ANKAR: variants seen among roughly 807,000 people sequenced by gnomAD.
ANKAR encodes the protein ankyrin and armadillo repeat-containing protein.
Under a neutral mutation model 146.2 loss-of-function variants are expected in ANKAR, and 136 were observed. The observed-to-expected ratio is 0.93, with a 90% CI of 0.81 to 1.07. ANKAR has a LOEUF of 1.07. ANKAR is among the 50% of genes least tolerant of loss of function. ANKAR has a pLI of 0.00. For synonymous variants in ANKAR, 500 were observed against 575.8 expected (o/e 0.87, Z 1.88); for missense variants, 1,567 against 1,679.9 (o/e 0.93, Z 1.18).
chr2:189,729,084 G>A (rs1357483409), intron 15 of ANKAR, among the ~76,000 whole-genome samples: 1 of 152,148 alleles, frequency 6.6e-6, no homozygotes, highest in Non-Finnish European at 1.5e-5. Flanking sequence ...TGACTATTTT[G>A]ACTGAAAGCA....
chr2:189,747,640 T>C (rs1206391975), downstream of ANKAR, among the ~76,000 whole-genome samples: 1 of 152,180 alleles, frequency 6.6e-6, no homozygotes, highest in Non-Finnish European at 1.5e-5. Flanking sequence ...TAGCTGCAGA[T>C]AGATATGATA....
intron 3 of ANKAR, among the ~76,000 whole-genome samples, chr2:189,691,995 C>G (rs2036487265): frequency 6.6e-6 from 1 of 152,096 alleles, no homozygotes; most frequent in Admixed American, 6.6e-5. Flanking sequence ...CTTCTAGGCT[C>G]AAGCGATCCG....
rs1455161868 is a variant in ANKAR, at chr2:189,738,664, TCTA to T, written c.3686_3688del (p.Thr1229del). The T allele has an allele frequency of 6.3e-7, 1 of 1,596,120 alleles. No homozygotes were observed. The highest frequency in any genetic ancestry group is 8.6e-7 in the Non-Finnish European group (1 of 1,169,432). ...TGATAGTCTGTATTCAGTTCAGACT[TCTA>T]CTATTGTCTTGACAGGTAAGAAATG... On this transcript the variant is annotated inframe_deletion, in exon 19 of 23. Transcript: ENST00000684021.
In ANKAR at chr2:189,728,365, A is replaced by C. The variant is rs1394170508; in HGVS notation, c.2976A>C (p.Gly992=). ...AAAAATATATGGCAGAACAAATTGG[A>C]TACAGCTTTATAATAAATATGCTTT... ...KQQKYMAEQI[G]YSFIINMLLS... Residue 992 remains glycine, a synonymous_variant, in exon 14 of 23, where the codon GGA becomes GGC. Coordinates refer to ENST00000684021, the MANE Select transcript of ANKAR (RefSeq NM_001378068.1). The C allele has an allele frequency of 6.2e-7, 1 of 1,612,476 alleles. No homozygotes were observed. The highest frequency in any genetic ancestry group is 1.3e-5 in the African/African-American group (1 of 74,900).
intron 10 of ANKAR, among the ~76,000 whole-genome samples, chr2:189,717,731 G>T (rs188894903): frequency 2.0e-5 from 3 of 152,128 alleles, no homozygotes; most frequent in East Asian, 1.9e-4. Flanking sequence ...ATGTGGCACA[G>T]ATACACCATG....
intron 18 of ANKAR, chr2:189,755,061 T>G (rs2045899908): frequency 7.7e-7 from 1 of 1,303,358 alleles, no homozygotes; most frequent in African/African-American, 1.5e-5. Context: ...TTTTTCAGTT[T>G]ACTAAGATAA....
intron 11 of ANKAR, 120 bp downstream of exon 11, chr2:189,719,933 G>T: frequency 8.7e-7 from 1 of 1,145,034 alleles, no homozygotes; most frequent in Non-Finnish European, 1.2e-6. Context: ...AATACAGCAG[G>T]GAAAAGGGAG....
At chr2:189,750,469 C>G, downstream of ANKAR, 1 of 581,686 alleles carries the variant, frequency 1.7e-6, no homozygotes. Context: ...AAAATAAAAT[C>G]TTGATGAATA....
At position 189,676,454 on chromosome 2, in the gene ANKAR, A is replaced by C. The variant is rs746811573; in HGVS notation, c.-35-2A>C. The C allele has an allele frequency of 1.3e-6, 2 of 1,498,924 alleles. No individual in the cohort carries two copies. The highest frequency in any genetic ancestry group is 1.8e-6 in the Non-Finnish European group (2 of 1,126,602). 92.9% of individuals were successfully genotyped at this position (1,498,924 alleles called of 1,614,324 possible). A position where few individuals can be genotyped will look rare whatever the true frequency, so the allele number is the denominator to read the frequency against. On this transcript the variant is annotated splice_acceptor_variant, in intron 1 of 22. Coordinates refer to ENST00000684021, the MANE Select transcript of ANKAR (RefSeq NM_001378068.1). LOFTEE classifies it low-confidence loss of function (5UTR_SPLICE). ...TAATCTTTTCCTTCTTATTCATTGC[A>C]GAAGCTTCAAAAAGGACACACTAGA...
chr2:189,726,388 C>T (rs2041879070), intron 12 of ANKAR, among the ~76,000 whole-genome samples: 2 of 152,024 alleles, frequency 1.3e-5, no homozygotes, highest in Non-Finnish European at 2.9e-5. Flanking sequence ...CTCAAGCAGT[C>T]CTCCCACCTT....
At chr2:189,746,325 A>C in intron 22 of ANKAR, 55 bp from the exon 23 acceptor site, 1 of 1,505,236 alleles carries the variant, frequency 6.6e-7, no homozygotes, top group Admixed American at 2.2e-5. Context: ...AGTAGAAGTA[A>C]TGAGACTATA....
Position 189,677,077 on chromosome 2 carries a change from AGTTTAGTTC to A in ANKAR, c.588_596del (p.Phe197_Ser199del). ...CAAACAAATAAAGACATTTTTTCAG[AGTTTAGTTC>A]AGCAGGTAAGAGAATTTAACACTTC... On this transcript the variant is annotated inframe_deletion, in exon 2 of 23. Transcript: ENST00000684021. 6.5e-7 allele frequency: 1 copy of A among 1,549,292 alleles called. No individual in the cohort carries two copies. The highest frequency in any genetic ancestry group is 8.7e-7 in the Non-Finnish European group (1 of 1,155,174).
intron 2 of ANKAR, among the ~76,000 whole-genome samples, chr2:189,679,728 T>G (rs2034345229): frequency 6.6e-6 from 1 of 152,208 alleles, no homozygotes; most frequent in Non-Finnish European, 1.5e-5. Context: ...GATTTTTGTT[T>G]TTGATTCTGT....
intron 10 of ANKAR, among the ~76,000 whole-genome samples, chr2:189,714,244 G>A (rs1042541294): frequency 2.0e-5 from 3 of 152,154 alleles, no homozygotes; most frequent in Non-Finnish European, 2.9e-5. Context: ...CCTGAACTCA[G>A]CTCTGGACCA....
intron 19 of ANKAR, among the ~76,000 whole-genome samples, chr2:189,739,205 C>T (rs1173310125): frequency 3.3e-5 from 5 of 152,188 alleles, no homozygotes; most frequent in African/African-American, 1.2e-4. Context: ...ACAGCTCACA[C>T]ATAATAGGTG....
intron 12 of ANKAR, among the ~76,000 whole-genome samples, chr2:189,726,808 A>T (rs2041926732): frequency 6.6e-6 from 1 of 152,212 alleles, no homozygotes; most frequent in African/African-American, 2.4e-5. Flanking sequence ...CTAGACTATT[A>T]AAGAGATAAA....
At chr2:189,684,816 A>G (rs1238165035) in intron 2 of ANKAR, among the ~76,000 whole-genome samples, 1 of 122,206 alleles carries the variant, frequency 8.2e-6, no homozygotes, top group African/African-American at 3.1e-5. Context: ...CCTGGGTGAC[A>G]GAGACCCTGT....
At chr2:189,755,617 T>A in intron 18 of ANKAR, 1 of 1,526,976 alleles carries the variant, frequency 6.5e-7, no homozygotes, top group South Asian at 1.3e-5. Flanking sequence ...TGAAGAAAAA[T>A]GATATTACAG....
At chr2:189,716,912 T>C (rs915377983) in intron 10 of ANKAR, among the ~76,000 whole-genome samples, 10 of 152,110 alleles carry the variant, frequency 6.6e-5, no homozygotes, top group Non-Finnish European at 1.5e-4. Context: ...ACTGGATCCC[T>C]TCCTTATACC....
Sources: gnomAD v4.1 joint callset for allele counts (sites outside exome capture counted in the v4.1 genomes callset) on GRCh38, gnomAD v4.1.1 for gene constraint, MANE v1.5 for transcripts, NCBI Gene and HGNC (gene_info 2026-07-23, HGNC 2026-07-21) for gene names.